The following CHD7 variants were observed in gnomAD, a reference collection of about 807,000 sequenced individuals.
CHD7 encodes the protein chromodomain helicase DNA binding protein 7.
CHD7 carries 24 observed loss-of-function variants against 307.3 expected under a neutral mutation model. The ratio of observed to expected loss-of-function variants is 0.08; its 90% confidence interval spans 0.06 to 0.11. The LOEUF (loss-of-function observed/expected upper bound fraction) is 0.11, where lower values mean the gene tolerates loss of function less well. CHD7 is among the 10% of genes least tolerant of loss of function. The probability of loss-of-function intolerance (pLI) is 1.00; values close to 1 mark genes in which losing one functional copy is unlikely to be tolerated. For missense variants in CHD7, 3,106 were observed against 3,727.1 expected, an observed-to-expected ratio of 0.83 and a Z score of 4.34; for synonymous variants, 1,363 against 1,349.9, an observed-to-expected ratio of 1.01 and a Z score of -0.21.
At chr8:60,810,370 A>G (rs1439186717) in intron 7 of CHD7, among the ~76,000 whole-genome samples, 7 of 137,980 alleles carry the variant, frequency 5.1e-5, no homozygotes, top group South Asian at 2.3e-4. Context: ...TAGGACTGGG[A>G]GAGAGAGAGA....
At position 60,865,859 on chromosome 8, in the gene CHD7, G is replaced by A. The variant is rs756064672; in HGVS notation, c.8920G>A (p.Glu2974Lys). ...KTAESSLLED[E>K]IAQGEELDSL... Reference sequence around the variant, plus strand: ...TGCAGAGTCCTCCCTCTTAGAAGACGAAATAGCACAGGGTGAAGAGCTAGA... The same window carrying A: ...TGCAGAGTCCTCCCTCTTAGAAGACAAAATAGCACAGGGTGAAGAGCTAGA... Residue 2974 changes from glutamate (E) to lysine (K), a missense_variant, in exon 38 of 38, where the codon GAA becomes AAA. Transcript: ENST00000423902. The surrounding 1 kb of genome is among the most constrained non-coding windows in gnomAD (Gnocchi z 4.3). The A allele has an allele frequency of 4.3e-6, 7 of 1,612,548 alleles. No homozygotes were observed. The highest frequency in any genetic ancestry group is 1.3e-5 in the African/African-American group (1 of 74,918).
At chr8:60,788,379 G>T (rs552599648) in intron 3 of CHD7, among the ~76,000 whole-genome samples, 1 of 152,016 alleles carries the variant, frequency 6.6e-6, no homozygotes, top group Non-Finnish European at 1.5e-5. Context: ...GGCCTCAAGC[G>T]GTCCACCTGC....
chr8:60,834,226 G>T (rs1020972644), intron 15 of CHD7, among the ~76,000 whole-genome samples: 1 of 152,136 alleles, frequency 6.6e-6, no homozygotes, highest in Non-Finnish European at 1.5e-5. Flanking sequence ...TTGTCGAAAT[G>T]ATTATTTGCT....
At chr8:60,839,301 C>T (rs1804869711) in intron 19 of CHD7, among the ~76,000 whole-genome samples, 1 of 152,166 alleles carries the variant, frequency 6.6e-6, no homozygotes, top group African/African-American at 2.4e-5. Context: ...GAACAATATT[C>T]CATTGTATGG....
At chr8:60,851,374 G>A (rs983515380) in intron 28 of CHD7, 55 bp downstream of exon 28, 6 of 1,324,694 alleles carry the variant, frequency 4.5e-6, no homozygotes, top group South Asian at 1.3e-5. Context: ...AGCAGTCATT[G>A]TTCACGTGGT....
chr8:60,718,359 C>T (rs1052151158), intron 1 of CHD7, among the ~76,000 whole-genome samples: 6 of 151,982 alleles, frequency 3.9e-5, no homozygotes, highest in Non-Finnish European at 5.9e-5. Context: ...GCGCTAATCT[C>T]AGATACTCGG....
chr8:60,848,997 A>AT (rs764373317), intron 24 of CHD7, 54 bp from the exon 25 acceptor site: 99 of 1,356,426 alleles, frequency 7.3e-5, no homozygotes, highest in Non-Finnish European at 1.0e-4. Context: ...TATCACATTC[A>AT]TTACTTGGAA....
At position 60,851,279 on chromosome 8, in the gene CHD7, T is replaced by C. The variant is rs764844969; in HGVS notation, c.5625T>C (p.Pro1875=). 2.3e-5 allele frequency: 36 copies of C among 1,557,042 alleles called. No individual in the cohort carries two copies. In the Middle Eastern group the frequency reaches 1.3e-3, roughly 58 times the overall value. Residue 1875 remains proline, a synonymous_variant, in exon 28 of 38, where the codon CCT becomes CCC. Transcript: ENST00000423902. ...CTTTCAAGGAATTTGCAAATTCTCC[T>C]TCAGAGGATAAGGAAGAATCCATGG... is the stretch of plus-strand genomic sequence containing the variant. ...KDEIDEFANS[P]SEDKEESMEI... is the part of the protein sequence containing the mutation.
intron 1 of CHD7, among the ~76,000 whole-genome samples, chr8:60,727,116 T>C (rs1808201984): frequency 6.6e-6 from 1 of 152,110 alleles, no homozygotes; most frequent in Non-Finnish European, 1.5e-5. Context: ...ATTATCCCCA[T>C]TTTATTTTAT....
Position 60,741,736 on chromosome 8 carries a change from C to A in CHD7, c.304C>A (p.His102Asn), listed in dbSNP as rs761253760. Residue 102 changes from histidine to asparagine, a missense_variant, in exon 2 of 38, where the codon CAC becomes AAC. His to Asn is a moderately conservative substitution (Grantham distance 68, BLOSUM62 1). Transcript: ENST00000423902. ...NTPGNGLASP[H>N]SQYHTPPVPQ... ...CCCTGGGAACGGACTCGCGTCTCCG[C>A]ACTCGCAGTATCACACCCCTCCCGT... 7 of 1,613,900 alleles carry A rather than the reference C, an allele frequency of 4.3e-6. No individual in the cohort carries two copies. The African/African-American group carries it at 9.3e-5, about 22-fold the overall frequency.
chr8:60,726,312 C>T (rs994058502), intron 1 of CHD7, among the ~76,000 whole-genome samples: 7 of 152,270 alleles, frequency 4.6e-5, no homozygotes, highest in African/African-American at 1.4e-4. Flanking sequence ...GGACTTTTGC[C>T]ATTCTCTTCA....
intron 2 of CHD7, among the ~76,000 whole-genome samples, chr8:60,771,317 T>C (rs1810700351): frequency 6.6e-6 from 1 of 152,226 alleles, no homozygotes. Flanking sequence ...TCAAAATGCT[T>C]GGATTGAGAA....
intron 1 of CHD7, among the ~76,000 whole-genome samples, chr8:60,704,473 C>A (rs1806919222): frequency 6.6e-6 from 1 of 152,078 alleles, no homozygotes; most frequent in South Asian, 2.1e-4. Flanking sequence ...GGTCTTCTTG[C>A]CCAAAGGTTC....
intron 3 of CHD7, among the ~76,000 whole-genome samples, chr8:60,786,915 G>A (rs1177315982): frequency 1.3e-5 from 2 of 152,172 alleles, no homozygotes; most frequent in Admixed American, 1.3e-4. Context: ...AAGCCACTGT[G>A]CAGAGCATCA....
intron 2 of CHD7, among the ~76,000 whole-genome samples, chr8:60,759,897 G>A (rs1401469624): frequency 6.6e-6 from 1 of 152,080 alleles, no homozygotes. Flanking sequence ...TCTATTCATC[G>A]GATGTTTAGT....
Position 60,816,525 on chromosome 8 carries a change from C to G in CHD7, c.2613+24C>G. 3 of 1,283,118 alleles carry G rather than the reference C, an allele frequency of 2.3e-6. No individual in the cohort carries two copies. In the South Asian group the frequency reaches 4.0e-5, roughly 17 times the overall value. The allele number at this position is 1,283,118 out of a possible 1,614,324, so 79.5% of individuals were successfully genotyped here. ...AGGTACGACATACCTGCTTACTTTT[C>G]CAAAGTATTTACTTTGTTAAAATGT... On this transcript the variant is annotated intron_variant, in intron 8 of 37. Coordinates refer to ENST00000423902, the MANE Select transcript of CHD7 (RefSeq NM_017780.4).
chr8:60,793,292 C>T (rs190972677), intron 3 of CHD7, among the ~76,000 whole-genome samples: 50 of 151,682 alleles, frequency 3.3e-4, no homozygotes, highest in African/African-American at 1.2e-3. Flanking sequence ...GTGGATCTTT[C>T]GGAGACAGTT....
At chr8:60,756,545 G>T (rs1184381719) in intron 2 of CHD7, among the ~76,000 whole-genome samples, 1 of 152,186 alleles carries the variant, frequency 6.6e-6, no homozygotes, top group African/African-American at 2.4e-5. Flanking sequence ...AGGCACGGTG[G>T]TGTGCACCTG....
intron 7 of CHD7, chr8:60,808,890 A>G (rs550506340): frequency 2.0e-5 from 3 of 152,374 alleles, no homozygotes; most frequent in South Asian, 2.1e-4. Flanking sequence ...AGAGTCAGTA[A>G]TCATTCTGCT....
Sources: allele counts gnomAD v4.1 joint callset (sites outside exome capture counted in the v4.1 genomes callset), GRCh38; gene constraint gnomAD v4.1.1; non-coding constraint Gnocchi (gnomAD v3.1); transcripts MANE v1.5; gene names NCBI Gene and HGNC (gene_info 2026-07-23, HGNC 2026-07-21).